Variants in IGSF21 observed in about 807,000 individuals in gnomAD.
The protein encoded by IGSF21 is immunoglobulin superfamily member 21.
A neutral mutation model predicts 46.8 loss-of-function variants in IGSF21; 28 were observed. That is an observed-to-expected ratio of 0.60 (90% confidence interval 0.44 to 0.82). IGSF21 has a LOEUF of 0.82. IGSF21 is among the 40% of genes least tolerant of loss of function. The pLI is 0.00. For missense variants in IGSF21, 624 were observed against 665.5 expected, an observed-to-expected ratio of 0.94 and a Z score of 0.69; for synonymous variants, 284 against 273.6, an observed-to-expected ratio of 1.04 and a Z score of -0.38.
intron 1 of IGSF21, among the ~76,000 whole-genome samples, chr1:18,126,115 A>G (rs1415302743): frequency 6.6e-6 from 1 of 152,132 alleles, no homozygotes; most frequent in Non-Finnish European, 1.5e-5. Context: ...TTGAACCCCA[A>G]CTTCCCATAG....
intron 1 of IGSF21, among the ~76,000 whole-genome samples, chr1:18,144,276 C>G (rs1051942170): frequency 9.2e-5 from 14 of 152,158 alleles, no homozygotes; most frequent in African/African-American, 3.1e-4. Flanking sequence ...AAGCCTCAGT[C>G]GAGTTGGAAG....
intron 2 of IGSF21, among the ~76,000 whole-genome samples, chr1:18,253,221 A>G (rs1028940487): frequency 7.7e-6 from 1 of 129,698 alleles, no homozygotes; most frequent in Non-Finnish European, 1.8e-5. Flanking sequence ...TGTAAGATAC[A>G]CTATGCATCC....
At chr1:18,225,102 C>CTG (rs1383925853) in intron 1 of IGSF21, among the ~76,000 whole-genome samples, 6 of 142,316 alleles carry the variant, frequency 4.2e-5, no homozygotes, top group Non-Finnish European at 9.4e-5. Context: ...CACACACACA[C>CTG]ACACACACAC....
intron 1 of IGSF21, among the ~76,000 whole-genome samples, chr1:18,143,951 T>A (rs1242443425): frequency 6.6e-6 from 1 of 152,056 alleles, no homozygotes; most frequent in East Asian, 1.9e-4. Flanking sequence ...TTCATCAGAT[T>A]TGGGACCTCC....
chr1:18,172,241 G>A (rs2124459973), intron 1 of IGSF21, among the ~76,000 whole-genome samples: 1 of 152,338 alleles, frequency 6.6e-6, no homozygotes, highest in East Asian at 1.9e-4. Context: ...CCTGTTACCT[G>A]AGATGGAAGC....
At chr1:18,296,247 G>A (rs1433721999) in intron 3 of IGSF21, among the ~76,000 whole-genome samples, 1 of 152,060 alleles carries the variant, frequency 6.6e-6, no homozygotes, top group Non-Finnish European at 1.5e-5. Context: ...TTGTTTCAAG[G>A]TCTACTCTTC....
intron 3 of IGSF21, among the ~76,000 whole-genome samples, chr1:18,296,616 C>A (rs999280682): frequency 6.6e-6 from 1 of 152,186 alleles, no homozygotes; most frequent in African/African-American, 2.4e-5. Context: ...GTCAGAGAGT[C>A]CTTCCTGCGC....
chr1:18,311,500 A>C (rs960727755), intron 3 of IGSF21, among the ~76,000 whole-genome samples: 1 of 152,190 alleles, frequency 6.6e-6, no homozygotes, highest in Non-Finnish European at 1.5e-5. Context: ...CTTTGAAACC[A>C]TGTGAACAAG....
intron 1 of IGSF21, among the ~76,000 whole-genome samples, chr1:18,161,481 T>C (rs143658420): frequency 6.6e-6 from 1 of 152,154 alleles, no homozygotes; most frequent in African/African-American, 2.4e-5. Context: ...ACCAAAAGCC[T>C]TATTTACCTT....
intron 1 of IGSF21, among the ~76,000 whole-genome samples, chr1:18,189,812 A>G (rs2086937633): frequency 6.6e-6 from 1 of 152,116 alleles, no homozygotes; most frequent in African/African-American, 2.4e-5. Flanking sequence ...TCGCTTACTG[A>G]TGTGTGGCCC....
intron 4 of IGSF21, among the ~76,000 whole-genome samples, chr1:18,356,019 G>A (rs1175403096): frequency 1.3e-5 from 2 of 151,922 alleles, no homozygotes; most frequent in Non-Finnish European, 2.9e-5. Flanking sequence ...ATTTTTAGTA[G>A]AGAGACGGTT....
chr1:18,270,277 A>G (rs1361100503), intron 2 of IGSF21, among the ~76,000 whole-genome samples: 2 of 152,300 alleles, frequency 1.3e-5, no homozygotes, highest in East Asian at 3.9e-4. Context: ...AACAAGGGAG[A>G]GAACAGTTCT....
chr1:18,273,438 C>A (rs112289917), intron 2 of IGSF21, among the ~76,000 whole-genome samples: 13,830 of 98,570 alleles, frequency 0.14, 2,564 homozygotes, highest in African/African-American at 0.19. Context: ...TCCTTTCTTT[C>A]TTTCTCACTT....
chr1:18,366,423 G>A (rs534437761), intron 6 of IGSF21, among the ~76,000 whole-genome samples: 1 of 152,128 alleles, frequency 6.6e-6, no homozygotes, highest in South Asian at 2.1e-4. Flanking sequence ...ATCAAGGAGA[G>A]GAACCTTGAG....
intron 2 of IGSF21, among the ~76,000 whole-genome samples, chr1:18,230,534 G>A (rs911401623): frequency 6.6e-6 from 1 of 152,090 alleles, no homozygotes; most frequent in Non-Finnish European, 1.5e-5. Flanking sequence ...TTGTAATTCT[G>A]TAGCTGGACG....
chr1:18,220,766 C>T lies in IGSF21; in HGVS notation c.71-7132C>T, dbSNP rs1398359941. Among the ~76,000 whole-genome samples, 4 of 152,176 alleles carry T rather than the reference C, an allele frequency of 2.6e-5. No individual in the cohort carries two copies. The East Asian group carries it at 7.7e-4, about 29-fold the overall frequency. ...ATGCCCAGGAAATATCCAAGTTACC[C>T]AAGTGAGGGAGAGGGCTTAGGGCAG... On this transcript the variant is annotated intron_variant, in intron 1 of 9. Transcript: ENST00000251296.
At chr1:18,326,441 A>G (rs2085659067) in intron 3 of IGSF21, among the ~76,000 whole-genome samples, 1 of 151,990 alleles carries the variant, frequency 6.6e-6, no homozygotes, top group Non-Finnish European at 1.5e-5. Flanking sequence ...TGCAGGAACA[A>G]CTCTGTCCCC....
intron 2 of IGSF21, among the ~76,000 whole-genome samples, chr1:18,241,633 C>T (rs1358767630): frequency 6.6e-6 from 1 of 152,174 alleles, no homozygotes; most frequent in Non-Finnish European, 1.5e-5. Flanking sequence ...CTCGAATGCG[C>T]TGAATCCCTC....
In IGSF21 at chr1:18,217,484, C is replaced by T. The variant is rs558435390; in HGVS notation, c.71-10414C>T. Among the ~76,000 whole-genome samples, 329 of 152,344 alleles carry T rather than the reference C, an allele frequency of 2.2e-3. 5 individuals are homozygous for T. The highest frequency in any genetic ancestry group is 1.9e-3 in the Non-Finnish European group (128 of 68,026). On this transcript the variant is annotated intron_variant, in intron 1 of 9. Transcript: ENST00000251296. ...AATTGGCCAGCCCAGCCACAAGTCT[C>T]TTACAGTTCCAGAGACGTTCTCAGT...
Sources: gnomAD v4.1 joint callset for allele counts (sites outside exome capture counted in the v4.1 genomes callset) on GRCh38, gnomAD v4.1.1 for gene constraint, MANE v1.5 for transcripts, NCBI Gene and HGNC (gene_info 2026-07-23, HGNC 2026-07-21) for gene names.